The following CSMD1 variants were observed in gnomAD, a reference collection of about 807,000 sequenced individuals.
CSMD1 encodes the protein CUB and sushi domain-containing protein 1.
Under a neutral mutation model 417.5 loss-of-function variants are expected in CSMD1, and 213 were observed. The ratio of observed to expected loss-of-function variants is 0.51; its 90% CI spans 0.46 to 0.57. CSMD1 has a LOEUF of 0.57. CSMD1 is among the 20% of genes least tolerant of loss of function. CSMD1 has a pLI of 0.00. For missense variants in CSMD1, 6,923 were observed against 4,529.7 expected (o/e 1.53, Z -15.17); for synonymous variants, 2,862 against 1,736.8 (o/e 1.65, Z -16.11).
chr8:3,523,751 A>G (rs1179282940), intron 10 of CSMD1, among the ~76,000 whole-genome samples: 1 of 151,630 alleles, frequency 6.6e-6, no homozygotes, highest in African/African-American at 2.4e-5. Context: ...ATGCATACAC[A>G]TGCACACACA....
rs931212477 is a variant in CSMD1 at position 3,157,885 on chromosome 8, G to C, written c.5914+12C>G. ...GTGCGCAGCAGCAGAGTTACAGAAGGTGCATCCTTACCAATGCACAGGGGA... is the reference window on the plus strand; with the variant it reads ...GTGCGCAGCAGCAGAGTTACAGAAGCTGCATCCTTACCAATGCACAGGGGA... On this transcript the variant is annotated intron_variant, in intron 39 of 69. Coordinates refer to ENST00000635120, the MANE Select transcript of CSMD1 (RefSeq NM_033225.6). The C allele has an allele frequency of 3.2e-6, 5 of 1,549,912 alleles. No homozygotes were observed. Among genetic ancestry groups the C allele is most frequent in the Non-Finnish European group, 4.4e-6 (5 of 1,145,142 alleles).
At chr8:3,061,786 T>C (rs183210405) in intron 49 of CSMD1, among the ~76,000 whole-genome samples, 57 of 152,350 alleles carry the variant, frequency 3.7e-4, no homozygotes, top group South Asian at 4.1e-4. Context: ...GAAAAGTTTT[T>C]CTAATTGCAT....
chr8:2,947,256 T>C (rs564390298), intron 68 of CSMD1, among the ~76,000 whole-genome samples: 3 of 152,330 alleles, frequency 2.0e-5, no homozygotes, highest in Admixed American at 6.5e-5. Context: ...AAATTTGTCT[T>C]TCAAATTAAT....
intron 11 of CSMD1, among the ~76,000 whole-genome samples, chr8:3,478,792 G>C (rs75748011): frequency 0.024 from 3,608 of 152,230 alleles, 151 homozygotes; most frequent in African/African-American, 0.08. Flanking sequence ...TGGTCCCAGG[G>C]CTGCCTTGTC....
chr8:4,587,658 C>A (rs1799774830), intron 2 of CSMD1, among the ~76,000 whole-genome samples: 1 of 152,086 alleles, frequency 6.6e-6, no homozygotes, highest in Non-Finnish European at 1.5e-5. Context: ...CTGAAGAGAA[C>A]TATGTCTTAT....
At chr8:4,289,283 T>C (rs116833269) in intron 3 of CSMD1, among the ~76,000 whole-genome samples, 35 of 152,346 alleles carry the variant, frequency 2.3e-4, no homozygotes, top group African/African-American at 7.9e-4. Flanking sequence ...CTAATTTGCC[T>C]ACATAATTTC....
At chr8:4,948,744 T>C (rs181275120) in intron 1 of CSMD1, among the ~76,000 whole-genome samples, 27 of 152,250 alleles carry the variant, frequency 1.8e-4, no homozygotes, top group Admixed American at 5.2e-4. Context: ...TTAAGAAAAG[T>C]GATAGTTTAG....
Position 4,906,649 on chromosome 8 carries a change from G to C in CSMD1, c.85+87683C>G, listed in dbSNP as rs183515201. Among the ~76,000 whole-genome samples the C allele has an allele frequency of 4.9e-3, 743 of 151,962 alleles. 2 individuals carry two copies. The highest frequency in any genetic ancestry group is 8.0e-3 in the Non-Finnish European group (545 of 68,008). ...TCTCAGCTGTGCAACCTCCAACTCC[G>C]GGGTTCAAGCAATTCTCCTGCCTCA... On this transcript the variant is annotated intron_variant, in intron 1 of 69. Transcript: ENST00000635120.
At chr8:4,408,140 C>T (rs978933309) in intron 3 of CSMD1, among the ~76,000 whole-genome samples, 1 of 152,172 alleles carries the variant, frequency 6.6e-6, no homozygotes, top group African/African-American at 2.4e-5. Flanking sequence ...ACTTCGAGTA[C>T]ACATGTGATT....
intron 5 of CSMD1, among the ~76,000 whole-genome samples, chr8:3,947,979 G>T (rs1045668203): frequency 3.9e-5 from 6 of 152,204 alleles, no homozygotes; most frequent in Non-Finnish European, 8.8e-5. Context: ...GCCAAGGCAG[G>T]TGGATCACCT....
intron 49 of CSMD1, among the ~76,000 whole-genome samples, chr8:3,074,382 T>G (rs570054929): frequency 5.3e-5 from 8 of 152,130 alleles, no homozygotes; most frequent in African/African-American, 1.9e-4. Flanking sequence ...GGGAGGAGGG[T>G]CCACCGCACC....
chr8:3,490,943 A>G (rs533220964), intron 11 of CSMD1, among the ~76,000 whole-genome samples: 1 of 152,272 alleles, frequency 6.6e-6, no homozygotes, highest in African/African-American at 2.4e-5. Context: ...GAAAAATAGG[A>G]TCCTTCATGT....
chr8:3,598,832 C>T (rs1563186834), intron 8 of CSMD1, among the ~76,000 whole-genome samples: 1 of 152,116 alleles, frequency 6.6e-6, no homozygotes, highest in Non-Finnish European at 1.5e-5. Flanking sequence ...CCTGAAATCC[C>T]AGCACTTTGG....
chr8:3,657,017 G>A (rs1194534051), intron 7 of CSMD1, among the ~76,000 whole-genome samples: 1 of 151,922 alleles, frequency 6.6e-6, no homozygotes, highest in East Asian at 1.9e-4. Context: ...CATGGCCAAT[G>A]AGACATACAG....
At chr8:3,924,555 T>G (rs923009811) in intron 5 of CSMD1, among the ~76,000 whole-genome samples, 2 of 152,192 alleles carry the variant, frequency 1.3e-5, no homozygotes, top group Non-Finnish European at 2.9e-5. Flanking sequence ...TTGAAAATTG[T>G]GTATCAGTTT....
intron 1 of CSMD1, among the ~76,000 whole-genome samples, chr8:4,927,894 T>C (rs1028609088): frequency 1.3e-5 from 2 of 152,182 alleles, no homozygotes; most frequent in Admixed American, 6.5e-5. Context: ...TCCCACCTTG[T>C]CATGTCCAGC....
At chr8:4,409,649 T>C (rs199887857) in intron 3 of CSMD1, among the ~76,000 whole-genome samples, 23,786 of 149,932 alleles carry the variant, frequency 0.16, 1,928 homozygotes, top group East Asian at 0.25. Context: ...TTTCTTTTTT[T>C]TTTTTTTTTT....
chr8:4,809,330 T>G (rs2117324896), intron 1 of CSMD1, among the ~76,000 whole-genome samples: 1 of 152,350 alleles, frequency 6.6e-6, no homozygotes, highest in Non-Finnish European at 1.5e-5. Flanking sequence ...AGCAAGAGTT[T>G]CCGGTGTATC....
chr8:3,576,555 C>G (rs1201229204), intron 9 of CSMD1, among the ~76,000 whole-genome samples: 1 of 152,154 alleles, frequency 6.6e-6, no homozygotes, highest in Non-Finnish European at 1.5e-5. Context: ...TTGACCTATT[C>G]TACATTGATA....
Sources: gnomAD v4.1 joint callset for allele counts (sites outside exome capture counted in the v4.1 genomes callset) on GRCh38, gnomAD v4.1.1 for gene constraint, MANE v1.5 for transcripts, NCBI Gene and HGNC (gene_info 2026-07-23, HGNC 2026-07-21) for gene names.